Variants in RFX4 observed in about 807,000 individuals in gnomAD.
RFX4 encodes regulatory factor X4, also known as transcription factor RFX4.
In RFX4, 10 loss-of-function variants were observed where a neutral mutation model predicts 95.0. The ratio of observed to expected loss-of-function variants is 0.11; its 90% CI spans 0.06 to 0.18. The LOEUF (loss-of-function observed/expected upper bound fraction) is 0.18, where lower values mean the gene tolerates loss of function less well. Among genes scored for constraint, RFX4 ranks in the 10% least tolerant of loss-of-function variants. The probability of loss-of-function intolerance (pLI) is 1.00; values close to 1 mark genes in which losing one functional copy is unlikely to be tolerated. For missense variants in RFX4, 640 were observed against 922.0 expected (o/e 0.69, Z 3.96); for synonymous variants, 321 against 340.7 (o/e 0.94, Z 0.64).
rs74487030 is a variant in RFX4 at position 106,593,843 on chromosome 12, T to C, written c.43+10480T>C. On this transcript the variant is annotated intron_variant, in intron 1 of 17. Transcript: ENST00000392842. Reference sequence around the variant, plus strand: ...TGCTCATGAATAAGTCAAGTTTCTATTGAAGTCATTAGGATTTTATAAAGT... The same window carrying C: ...TGCTCATGAATAAGTCAAGTTTCTACTGAAGTCATTAGGATTTTATAAAGT... Among the ~76,000 whole-genome samples, 825 of 152,340 alleles carry C rather than the reference T, an allele frequency of 5.4e-3. 14 individuals carry two copies. The highest frequency in any genetic ancestry group is 0.04 in the East Asian group (207 of 5,184).
intron 4 of RFX4, among the ~76,000 whole-genome samples, chr12:106,675,279 A>G (rs1018031957): frequency 2.0e-5 from 3 of 152,150 alleles, no homozygotes; most frequent in African/African-American, 7.2e-5. Context: ...AAAAGTACAA[A>G]AATTAGCTGG....
At chr12:106,614,288 G>A (rs2040022406) in intron 2 of RFX4, among the ~76,000 whole-genome samples, 1 of 151,836 alleles carries the variant, frequency 6.6e-6, no homozygotes, top group African/African-American at 2.4e-5. Context: ...AGCCTCCCAA[G>A]TAGCTGGGAC....
intron 7 of RFX4, among the ~76,000 whole-genome samples, chr12:106,692,689 A>G (rs2041807671): frequency 6.6e-6 from 1 of 152,222 alleles, no homozygotes; most frequent in African/African-American, 2.4e-5. Flanking sequence ...ATAATTTGGA[A>G]TCATTTGCCT....
rs1278043458 is a variant in RFX4 at position 106,761,524 on chromosome 12, T to TAAA, written c.*56_*58dup. 3 of 1,223,134 alleles carry TAAA rather than the reference T, an allele frequency of 2.5e-6. No individual in the cohort carries two copies. The highest frequency in any genetic ancestry group is 3.1e-6 in the Non-Finnish European group (3 of 956,932). The allele number at this position is 1,223,134 out of a possible 1,614,324, so 75.8% of individuals were successfully genotyped here. ...TAATAATAATAATTAATAATAATAA[T>TAAA]AAACCCAACACCCATCCCCCAGAAG... On this transcript the variant is annotated 3_prime_UTR_variant, in exon 18 of 18. Transcript: ENST00000392842.
intron 1 of RFX4, among the ~76,000 whole-genome samples, chr12:106,599,076 T>C (rs2137178588): frequency 6.6e-6 from 1 of 152,258 alleles, no homozygotes; most frequent in South Asian, 2.1e-4. Context: ...CACCTTAGGT[T>C]GAATTTTCTC....
intron 3 of RFX4, 35 bp from the exon 4 acceptor site, chr12:106,654,193 C>T (rs1173533749): frequency 1.2e-6 from 2 of 1,613,366 alleles, no homozygotes; most frequent in East Asian, 4.5e-5. Context: ...GGGAAGGTAA[C>T]ACATTTTTTG....
At chr12:106,727,137 C>G (rs1335448078) in intron 13 of RFX4, among the ~76,000 whole-genome samples, 1 of 151,866 alleles carries the variant, frequency 6.6e-6, no homozygotes, top group African/African-American at 2.4e-5. Context: ...AATTTAGTGG[C>G]AAAATTTTTT....
At chr12:106,712,252 G>A (rs1270673794) in intron 10 of RFX4, among the ~76,000 whole-genome samples, 2 of 152,190 alleles carry the variant, frequency 1.3e-5, no homozygotes, top group Non-Finnish European at 2.9e-5. Context: ...ACTAACAGTT[G>A]GAACTGGGAG....
intron 2 of RFX4, among the ~76,000 whole-genome samples, chr12:106,622,876 T>C (rs1385945557): frequency 6.6e-6 from 1 of 151,948 alleles, no homozygotes; most frequent in Non-Finnish European, 1.5e-5. Context: ...TGCCTCGGCC[T>C]CCCAAAGTGC....
intron 4 of RFX4, among the ~76,000 whole-genome samples, chr12:106,669,839 G>T (rs11113079): frequency 0.028 from 4,008 of 143,280 alleles, 184 homozygotes; most frequent in African/African-American, 0.039. Context: ...TTTTTCTAGG[G>T]GTGTGTGTGT....
intron 15 of RFX4, among the ~76,000 whole-genome samples, chr12:106,735,696 A>AT (rs58900156): frequency 1.3e-5 from 2 of 151,490 alleles, no homozygotes; most frequent in Non-Finnish European, 2.9e-5. Flanking sequence ...ACACACATGT[A>AT]TTTTTTTTTC....
chr12:106,693,996 C>CG (rs1565982917), intron 7 of RFX4, among the ~76,000 whole-genome samples: 1 of 152,122 alleles, frequency 6.6e-6, no homozygotes, highest in Admixed American at 6.6e-5. Context: ...AGAAGGGGAA[C>CG]GGAGGCTTAG....
At chr12:106,624,737 T>C (rs1406400175) in intron 2 of RFX4, among the ~76,000 whole-genome samples, 1 of 152,172 alleles carries the variant, frequency 6.6e-6, no homozygotes, top group East Asian at 1.9e-4. Flanking sequence ...ACTATCTGGC[T>C]CTATGCAGAA....
chr12:106,725,715 AAATGGAAAAGAAGAATT>A (rs1396143081), intron 13 of RFX4, among the ~76,000 whole-genome samples: 2 of 152,166 alleles, frequency 1.3e-5, no homozygotes, highest in Non-Finnish European at 2.9e-5. Flanking sequence ...ACAAAACGTT[AAATGGAAAAGAAGAATT>A]GAGAAGATAA....
intron 1 of RFX4, among the ~76,000 whole-genome samples, chr12:106,584,093 C>G (rs2039416927): frequency 6.6e-6 from 1 of 150,444 alleles, no homozygotes; most frequent in South Asian, 2.1e-4. Flanking sequence ...GCAAACTGCT[C>G]TGCAGTTCAA....
chr12:106,633,641 A>C (rs2040459475), intron 2 of RFX4, among the ~76,000 whole-genome samples: 1 of 152,212 alleles, frequency 6.6e-6, no homozygotes. Flanking sequence ...CTCAAAGTCC[A>C]CACAGTTGGG....
chr12:106,619,741 A>G (rs1355144444), intron 2 of RFX4, among the ~76,000 whole-genome samples: 1 of 151,886 alleles, frequency 6.6e-6, no homozygotes, highest in Non-Finnish European at 1.5e-5. Context: ...ATTATACTTC[A>G]TTTTTTTATG....
At chr12:106,684,980 C>A in intron 5 of RFX4, 1 of 1,594,782 alleles carries the variant, frequency 6.3e-7, no homozygotes, top group South Asian at 1.1e-5. Flanking sequence ...CTCGCAAAAG[C>A]CCTTCCCATA....
At chr12:106,738,363 G>A (rs1391506886) in intron 15 of RFX4, among the ~76,000 whole-genome samples, 1 of 152,226 alleles carries the variant, frequency 6.6e-6, no homozygotes, top group African/African-American at 2.4e-5. Context: ...TGGGAGGGAA[G>A]AGTGTGAAAG....
Sources: gnomAD v4.1 joint callset for allele counts (sites outside exome capture counted in the v4.1 genomes callset) on GRCh38, gnomAD v4.1.1 for gene constraint, MANE v1.5 for transcripts, NCBI Gene and HGNC (gene_info 2026-07-23, HGNC 2026-07-21) for gene names.